Variants in BRWD1 observed in about 807,000 individuals in gnomAD.
The protein encoded by BRWD1 is bromodomain and WD repeat domain containing 1.
Under a neutral mutation model 251.2 loss-of-function variants are expected in BRWD1, and 82 were observed. The ratio of observed to expected loss-of-function variants is 0.33; its 90% CI spans 0.27 to 0.39. The LOEUF (loss-of-function observed/expected upper bound fraction) is 0.39, where lower values mean the gene tolerates loss of function less well. Among genes scored for constraint, BRWD1 ranks in the 10% least tolerant of loss-of-function variants. The pLI, the probability that BRWD1 is intolerant of heterozygous loss-of-function variation, is 1.00. For missense variants in BRWD1, 2,233 were observed against 2,711.6 expected (o/e 0.82, Z 3.92); for synonymous variants, 918 against 902.8 (o/e 1.02, Z -0.30).
chr21:39,224,235 A>G (rs2033292890), intron 29 of BRWD1, among the ~76,000 whole-genome samples, 173 bp downstream of exon 29: 1 of 152,264 alleles, frequency 6.6e-6, no homozygotes, highest in Admixed American at 6.5e-5. Flanking sequence ...TCTAAGGTCA[A>G]GAATTAACAA....
At chr21:39,306,315 C>T (rs979548275) in intron 4 of BRWD1, among the ~76,000 whole-genome samples, 29 of 152,096 alleles carry the variant, frequency 1.9e-4, no homozygotes, top group African/African-American at 6.5e-4. Flanking sequence ...GTGATCCACC[C>T]GCCTCAGCCT....
At chr21:39,313,008 G>A (rs1340794554) in intron 3 of BRWD1, 64 bp downstream of exon 3, 4 of 1,200,716 alleles carry the variant, frequency 3.3e-6, no homozygotes, top group Non-Finnish European at 4.2e-6. Flanking sequence ...GCGCGGGCGA[G>A]CATCCCTCAG....
intron 8 of BRWD1, 119 bp downstream of exon 8, chr21:39,293,692 C>T (rs546312794): frequency 2.7e-6 from 2 of 748,752 alleles, no homozygotes; most frequent in Non-Finnish European, 4.3e-6. Flanking sequence ...ATGATTATCA[C>T]TTCTCTTACT....
At chr21:39,257,387 CCAATTA>C (rs2034593539) in intron 18 of BRWD1, among the ~76,000 whole-genome samples, 1 of 151,954 alleles carries the variant, frequency 6.6e-6, no homozygotes, top group African/African-American at 2.4e-5. Flanking sequence ...TAACCTGAAC[CCAATTA>C]TGAGGAAATA....
rs183516769 is a variant in BRWD1 at position 39,247,676 on chromosome 21, T to C, written c.2481+25A>G. ...GCCAAATTCATTTAAGATTATCTTA[T>C]AACATTTTAAAGTTTTCCACTCACA... On this transcript the variant is annotated intron_variant, in intron 21 of 40. Coordinates refer to ENST00000342449, the MANE Select transcript of BRWD1 (RefSeq NM_033656.4). 2.8e-5 allele frequency: 45 copies of C among 1,584,300 alleles called. No individual in the cohort carries two copies. The East Asian group carries it at 3.2e-4, about 11-fold the overall frequency.
At chr21:39,273,402 C>CA (rs1273637639) in intron 13 of BRWD1, among the ~76,000 whole-genome samples, 4 of 151,878 alleles carry the variant, frequency 2.6e-5, no homozygotes, top group Non-Finnish European at 5.9e-5. Context: ...GATAATTCCA[C>CA]AAAAAAACAA....
chr21:39,233,548 A>G (rs545581541), intron 23 of BRWD1, among the ~76,000 whole-genome samples: 1 of 151,720 alleles, frequency 6.6e-6, no homozygotes, highest in African/African-American at 2.4e-5. Context: ...CACACACACA[A>G]AAAAAAAGCA....
intron 19 of BRWD1, among the ~76,000 whole-genome samples, chr21:39,253,769 G>A (rs7278522): frequency 1.2e-3 from 186 of 152,226 alleles, no homozygotes; most frequent in African/African-American, 4.3e-3. Flanking sequence ...TTATCTTCAA[G>A]CTATTAAGTT....
chr21:39,262,574 G>A (rs2034788786), intron 17 of BRWD1, among the ~76,000 whole-genome samples: 1 of 152,144 alleles, frequency 6.6e-6, no homozygotes, highest in African/African-American at 2.4e-5. Context: ...AATTAGCTGG[G>A]TGTGGTGGCA....
intron 37 of BRWD1, among the ~76,000 whole-genome samples, chr21:39,205,289 T>C (rs1021931995): frequency 4.0e-5 from 6 of 151,818 alleles, no homozygotes; most frequent in Non-Finnish European, 5.9e-5. Flanking sequence ...GTGGGCACCA[T>C]AGCAAGACCC....
Position 39,293,976 on chromosome 21 carries a change from A to C in BRWD1, c.666T>G (p.Ser222=), listed in dbSNP as rs2035884717. Residue 222 remains serine, a synonymous_variant, in exon 8 of 41, where the codon TCT becomes TCG. Coordinates refer to ENST00000342449, the MANE Select transcript of BRWD1 (RefSeq NM_033656.4). The part of the protein sequence containing the change: ...IWSTHNGRLL[S]TLRGHSAEIS... The stretch of plus-strand genomic sequence containing the variant: ...TTTCTGCAGAATGACCTCTTAATGT[A>C]GATAACAAGCGGCCATTATGTGTTG... 6.2e-7 allele frequency: 1 copy of C among 1,614,122 alleles called. No homozygotes were observed.
chr21:39,240,158 G>A (rs74762677), intron 21 of BRWD1, among the ~76,000 whole-genome samples: 15,407 of 152,218 alleles, frequency 0.1, 915 homozygotes, highest in East Asian at 0.14. Flanking sequence ...AAGGCTACTA[G>A]CTATATGATT....
chr21:39,230,092 A>G (rs1044669315), intron 25 of BRWD1, among the ~76,000 whole-genome samples: 1 of 152,244 alleles, frequency 6.6e-6, no homozygotes, highest in Non-Finnish European at 1.5e-5. Flanking sequence ...ATGTGTAAGC[A>G]TTCTACTTAT....
intron 1 of BRWD1, among the ~76,000 whole-genome samples, chr21:39,319,405 A>G (rs1041433173): frequency 6.6e-6 from 1 of 152,176 alleles, no homozygotes; most frequent in African/African-American, 2.4e-5. Context: ...TCTTACTTTG[A>G]AACATTTCTC....
Position 39,301,701 on chromosome 21 carries a change from T to A in BRWD1, c.199-3119A>T, listed in dbSNP as rs561505608. Among the ~76,000 whole-genome samples, 6 of 152,200 alleles carry A rather than the reference T, an allele frequency of 3.9e-5. No homozygotes were observed. In the East Asian group the frequency reaches 9.6e-4, roughly 24 times the overall value. On this transcript the variant is annotated intron_variant, in intron 4 of 40. Coordinates refer to ENST00000342449, the MANE Select transcript of BRWD1 (RefSeq NM_033656.4). ...TTAGTGTAGTTTTAAGCTGCTAAAT[T>A]TTGGGGTAATTTGTTATACAGCAAT...
chr21:39,292,902 A>T (rs2035856388), intron 8 of BRWD1, among the ~76,000 whole-genome samples: 1 of 152,240 alleles, frequency 6.6e-6, no homozygotes, highest in African/African-American at 2.4e-5. Flanking sequence ...TTGAACATCA[A>T]TAAATAGTGT....
intron 4 of BRWD1, among the ~76,000 whole-genome samples, chr21:39,304,444 AG>A (rs2036220471): frequency 1.3e-5 from 2 of 151,884 alleles, no homozygotes; most frequent in African/African-American, 2.4e-5. Context: ...GACAGTCTCT[AG>A]AAAAAAAAAT....
intron 25 of BRWD1, 93 bp downstream of exon 25, chr21:39,232,084 A>C: frequency 9.7e-7 from 1 of 1,036,086 alleles, no homozygotes; most frequent in Non-Finnish European, 1.4e-6. Context: ...AAGTAATAAA[A>C]TATGTTTCCA....
At position 39,197,122 on chromosome 21, in the gene BRWD1, C is replaced by T; in HGVS notation, c.5947G>A (p.Val1983Ile). 1.2e-6 allele frequency: 2 copies of T among 1,614,150 alleles called. No individual in the cohort carries two copies. The highest frequency in any genetic ancestry group is 1.7e-6 in the Non-Finnish European group (2 of 1,179,976). The change falls in exon 41 of 41, where the codon GTA becomes ATA. Residue 1983 changes from valine to isoleucine, a missense_variant. By Grantham distance (29) the Val-to-Ile change is conservative. Transcript: ENST00000342449. ...TGTTCACTTGGTACTTCACAATGTA[C>T]ACTTCCTTCACAATCACTCAATTTC... ...KKKLSDCEGS[V>I]HCEVPSEQYA...
Sources: gnomAD v4.1 joint callset for allele counts (sites outside exome capture counted in the v4.1 genomes callset) on GRCh38, gnomAD v4.1.1 for gene constraint, MANE v1.5 for transcripts, NCBI Gene and HGNC (gene_info 2026-07-23, HGNC 2026-07-21) for gene names.